SNTG2: variants seen among roughly 807,000 people sequenced by gnomAD.
SNTG2 encodes the protein gamma-2-syntrophin.
Under a neutral mutation model 70.9 loss-of-function variants are expected in SNTG2, and 74 were observed. The ratio of observed to expected loss-of-function variants is 1.04; its 90% CI spans 0.86 to 1.27. SNTG2 has a LOEUF of 1.27. Among genes scored for constraint, SNTG2 ranks in the 50% most tolerant of loss-of-function variants. The pLI, the probability that SNTG2 is intolerant of heterozygous loss-of-function variation, is 0.00. For synonymous variants in SNTG2, 278 were observed against 273.8 expected, an observed-to-expected ratio of 1.02 and a Z score of -0.15; for missense variants, 717 against 690.7, an observed-to-expected ratio of 1.04 and a Z score of -0.43.
chr2:1,059,679 A>G (rs1051342965), intron 1 of SNTG2, among the ~76,000 whole-genome samples: 4 of 152,202 alleles, frequency 2.6e-5, no homozygotes, highest in Admixed American at 6.5e-5. Flanking sequence ...CTCAACCCTC[A>G]TAACTCAGAG....
intron 6 of SNTG2, among the ~76,000 whole-genome samples, chr2:1,138,131 T>A (rs989373348): frequency 1.1e-4 from 16 of 152,192 alleles, no homozygotes; most frequent in African/African-American, 3.9e-4. Context: ...AGTGTTATCA[T>A]CGTGCTGAGC....
At chr2:1,334,332 T>C (rs13397139) in intron 16 of SNTG2, among the ~76,000 whole-genome samples, 52,347 of 152,044 alleles carry the variant, frequency 0.34, 9,551 homozygotes, top group Middle Eastern at 0.49. Context: ...GGGAACACTT[T>C]TACCTGCTGG....
At chr2:1,118,810 A>C (rs1283134911) in intron 4 of SNTG2, among the ~76,000 whole-genome samples, 1 of 152,052 alleles carries the variant, frequency 6.6e-6, no homozygotes, top group Admixed American at 6.5e-5. Context: ...TATGGGACTG[A>C]GAAGGAGCAA....
chr2:1,037,236 T>A (rs567619194), intron 1 of SNTG2, among the ~76,000 whole-genome samples: 1 of 152,280 alleles, frequency 6.6e-6, no homozygotes, highest in African/African-American at 2.4e-5. Flanking sequence ...AGCTGGACCA[T>A]GTCTGGGTCC....
At chr2:998,321 G>A (rs897594719) in intron 1 of SNTG2, among the ~76,000 whole-genome samples, 1 of 151,994 alleles carries the variant, frequency 6.6e-6, no homozygotes, top group African/African-American at 2.4e-5. Flanking sequence ...TGGAAATACA[G>A]ATAGAGAATA....
At chr2:1,201,561 C>G (rs66946430) in intron 8 of SNTG2, among the ~76,000 whole-genome samples, 11,229 of 151,476 alleles carry the variant, frequency 0.074, 604 homozygotes, top group East Asian at 0.21. Context: ...TGCTATATGG[C>G]TTATGGAGGA....
chr2:1,238,336 T>TA (rs1460115187), intron 10 of SNTG2, among the ~76,000 whole-genome samples: 3 of 152,202 alleles, frequency 2.0e-5, no homozygotes, highest in African/African-American at 7.2e-5. Context: ...TTATATGTCA[T>TA]AATTTTATAT....
intron 9 of SNTG2, among the ~76,000 whole-genome samples, chr2:1,236,448 C>T (rs1196620214): frequency 6.6e-6 from 1 of 152,236 alleles, no homozygotes. Context: ...CTGCCCTCCC[C>T]ATGCAGGGGA....
At chr2:1,331,198 A>C (rs905583807) in intron 16 of SNTG2, among the ~76,000 whole-genome samples, 22 of 152,042 alleles carry the variant, frequency 1.4e-4, no homozygotes, top group African/African-American at 5.3e-4. Context: ...GCTGCAATGG[A>C]CTCTTCTCTT....
Position 1,012,740 on chromosome 2 carries a change from CAGAG to C in SNTG2, c.72+61676_72+61679del, listed in dbSNP as rs750998405. ...TGGTCTGTAGAGGGATTTATAAGGA[CAGAG>C]AGAAGGGTGGTCTGGAGAAGGATTT... On this transcript the variant is annotated intron_variant, in intron 1 of 16. Transcript: ENST00000308624. Among the ~76,000 whole-genome samples the C allele has an allele frequency of 1.2e-4, 12 of 96,818 alleles. 1 individual carries two copies. The highest frequency in any genetic ancestry group is 2.4e-4 in the Non-Finnish European group (10 of 42,430). The allele number at this position is 96,818 out of a possible 152,430, so 63.5% of individuals were successfully genotyped here. A position where few individuals can be genotyped will look rare whatever the true frequency, so the allele number is the denominator to read the frequency against.
intron 6 of SNTG2, 29 bp from the exon 7 acceptor site, chr2:1,165,519 A>G (rs1670646670): frequency 6.3e-7 from 1 of 1,587,234 alleles, no homozygotes; most frequent in Non-Finnish European, 8.6e-7. Context: ...TTGTGGTGGT[A>G]AAAGTAGCTA....
At chr2:1,114,706 T>G (rs1306607958) in intron 4 of SNTG2, among the ~76,000 whole-genome samples, 1 of 150,400 alleles carries the variant, frequency 6.6e-6, no homozygotes, top group East Asian at 2.0e-4. Context: ...TACTCATGTT[T>G]AACCCCTATA....
At chr2:958,835 G>T (rs1157835183) in intron 1 of SNTG2, among the ~76,000 whole-genome samples, 4 of 152,002 alleles carry the variant, frequency 2.6e-5, no homozygotes, top group Non-Finnish European at 4.4e-5. Context: ...TTGATGTTAG[G>T]AGTTATAGTA....
At chr2:1,314,673 G>T (rs1203839217) in intron 15 of SNTG2, among the ~76,000 whole-genome samples, 1 of 152,216 alleles carries the variant, frequency 6.6e-6, no homozygotes, top group Non-Finnish European at 1.5e-5. Flanking sequence ...ACAACCACGG[G>T]ATATTAGTCC....
intron 8 of SNTG2, among the ~76,000 whole-genome samples, chr2:1,180,347 C>T (rs1407051109): frequency 7.4e-6 from 1 of 135,008 alleles, no homozygotes; most frequent in Non-Finnish European, 1.6e-5. Flanking sequence ...CCAGAATCTA[C>T]AATGAACTCA....
At chr2:1,163,574 G>A (rs72766761) in intron 6 of SNTG2, 268 of 152,196 alleles carry the variant, frequency 1.8e-3, no homozygotes, top group Non-Finnish European at 3.2e-3. Flanking sequence ...CAGCACCTGC[G>A]ACCTGGAGGC....
At chr2:1,196,149 A>G (rs981656538) in intron 8 of SNTG2, among the ~76,000 whole-genome samples, 2 of 152,158 alleles carry the variant, frequency 1.3e-5, no homozygotes, top group African/African-American at 4.8e-5. Context: ...TAATACCACA[A>G]AATTTACCAA....
At chr2:1,125,967 C>G (rs1040567148) in intron 4 of SNTG2, among the ~76,000 whole-genome samples, 1 of 152,158 alleles carries the variant, frequency 6.6e-6, no homozygotes. Context: ...TATTCATCAT[C>G]TCCAACATTT....
At chr2:1,336,716 A>G (rs566141013) in intron 16 of SNTG2, among the ~76,000 whole-genome samples, 54 of 152,296 alleles carry the variant, frequency 3.5e-4, no homozygotes, top group African/African-American at 1.2e-3. Flanking sequence ...TGAAGAGACT[A>G]TCTTTTCCCC....
Sources: allele counts gnomAD v4.1 joint callset (sites outside exome capture counted in the v4.1 genomes callset), GRCh38; gene constraint gnomAD v4.1.1; transcripts MANE v1.5; gene names NCBI Gene and HGNC (gene_info 2026-07-23, HGNC 2026-07-21).